The following KIAA0825 variants were observed in gnomAD, a reference collection of about 807,000 sequenced individuals.
KIAA0825 encodes KIAA0825.
A neutral mutation model predicts 147.6 loss-of-function variants in KIAA0825; 119 were observed. The observed-to-expected ratio is 0.81, with a 90% CI of 0.69 to 0.94. The LOEUF (loss-of-function observed/expected upper bound fraction) is 0.94, where lower values mean the gene tolerates loss of function less well. Among genes scored for constraint, KIAA0825 ranks in the 40% least tolerant of loss-of-function variants. KIAA0825 has a pLI of 0.00. For synonymous variants in KIAA0825, 470 were observed against 518.1 expected, an observed-to-expected ratio of 0.91 and a Z score of 1.26; for missense variants, 1,381 against 1,472.7, an observed-to-expected ratio of 0.94 and a Z score of 1.02.
chr5:94,163,966 G>A (rs1430422191), intron 20 of KIAA0825, among the ~76,000 whole-genome samples: 2 of 152,104 alleles, frequency 1.3e-5, no homozygotes, highest in Non-Finnish European at 2.9e-5. Flanking sequence ...TTGTTATATT[G>A]AACTTTAGCA....
At chr5:94,508,623 G>C (rs1407062148) in intron 5 of KIAA0825, among the ~76,000 whole-genome samples, 2 of 152,192 alleles carry the variant, frequency 1.3e-5, no homozygotes, top group East Asian at 3.8e-4. Context: ...TTACAAAACA[G>C]AACAGATGCA....
chr5:94,173,047 A>G (rs570427881), intron 20 of KIAA0825, among the ~76,000 whole-genome samples: 1 of 152,316 alleles, frequency 6.6e-6, no homozygotes, highest in Admixed American at 6.5e-5. Flanking sequence ...ATAAAGTTAA[A>G]TTATTGAATA....
chr5:94,172,819 T>C (rs1259838420), intron 20 of KIAA0825, among the ~76,000 whole-genome samples: 1 of 152,174 alleles, frequency 6.6e-6, no homozygotes, highest in African/African-American at 2.4e-5. Context: ...ATGCTGATCT[T>C]GAGTAATGTA....
intron 20 of KIAA0825, among the ~76,000 whole-genome samples, chr5:94,184,335 C>T (rs1769929336): frequency 1.3e-5 from 2 of 152,106 alleles, no homozygotes; most frequent in Admixed American, 1.3e-4. Context: ...ATATTATTAT[C>T]CCCATTTTTA....
At chr5:94,228,650 T>A (rs2150079915) in intron 20 of KIAA0825, among the ~76,000 whole-genome samples, 1 of 152,294 alleles carries the variant, frequency 6.6e-6, no homozygotes, top group South Asian at 2.1e-4. Context: ...AATTCAGGTT[T>A]CCAGTCCCTA....
intron 14 of KIAA0825, among the ~76,000 whole-genome samples, chr5:94,419,435 C>T (rs1753887022): frequency 6.6e-6 from 1 of 152,044 alleles, no homozygotes; most frequent in South Asian, 2.1e-4. Context: ...TTAAAAATTC[C>T]TTATCCTGAT....
chr5:94,263,023 T>A (rs1776574378), intron 20 of KIAA0825, among the ~76,000 whole-genome samples: 2 of 152,134 alleles, frequency 1.3e-5, no homozygotes, highest in African/African-American at 4.8e-5. Context: ...GTTCCCATTG[T>A]CCTCTATGAA....
intron 2 of KIAA0825, among the ~76,000 whole-genome samples, chr5:94,551,042 A>T (rs1775440150): frequency 6.6e-6 from 1 of 151,882 alleles, no homozygotes; most frequent in Non-Finnish European, 1.5e-5. Context: ...TATCATAAAT[A>T]TGAGCCAAAC....
chr5:94,598,142 A>C (rs1785646662), intron 1 of KIAA0825, among the ~76,000 whole-genome samples: 1 of 151,998 alleles, frequency 6.6e-6, no homozygotes, highest in African/African-American at 2.4e-5. Flanking sequence ...TTATAAACTT[A>C]AAATTATTTT....
intron 20 of KIAA0825, among the ~76,000 whole-genome samples, chr5:94,180,830 C>A (rs1769543918): frequency 1.3e-5 from 2 of 152,072 alleles, no homozygotes; most frequent in South Asian, 4.1e-4. Flanking sequence ...CCATATTAAA[C>A]ATGTTTCAGT....
At chr5:94,247,449 TACATCG>T (rs2150114312) in intron 20 of KIAA0825, among the ~76,000 whole-genome samples, 1 of 152,252 alleles carries the variant, frequency 6.6e-6, no homozygotes, top group African/African-American at 2.4e-5. Context: ...TAATTTTATT[TACATCG>T]ACCCAGGGGA....
At position 94,512,613 on chromosome 5, in the gene KIAA0825, A is replaced by G. The variant is rs542367013; in HGVS notation, c.970+7635T>C. 5.9e-4 allele frequency among the ~76,000 whole-genome samples: 89 copies of G among 150,006 alleles called. 1 individual carries two copies. The highest frequency in any genetic ancestry group is 2.0e-3 in the African/African-American group (84 of 41,114). On this transcript the variant is annotated intron_variant, in intron 5 of 20. Coordinates refer to ENST00000682413, the MANE Select transcript of KIAA0825 (RefSeq NM_001145678.3). ...CCTGTCTTAAAAAAAAAAAAAAAAA[A>G]GGCAGAGTGTGGTGGCTCATGCGTA...
At chr5:94,429,428 G>A (rs1755356211) in intron 14 of KIAA0825, among the ~76,000 whole-genome samples, 1 of 151,436 alleles carries the variant, frequency 6.6e-6, no homozygotes, top group Non-Finnish European at 1.5e-5. Flanking sequence ...TGGGGGGTGT[G>A]ACTGTAGGGT....
Position 94,164,569 on chromosome 5 carries a change from G to A in KIAA0825, c.3711-10445C>T, listed in dbSNP as rs144017438. The stretch of plus-strand genomic sequence containing the variant: ...TGGGACTACAGACGCGTGCCACCAC[G>A]TCCGGCTAATTTTTTGTATTTTTAG... On this transcript the variant is annotated intron_variant, in intron 20 of 20. Coordinates refer to ENST00000682413, the MANE Select transcript of KIAA0825 (RefSeq NM_001145678.3). 5.1e-3 allele frequency among the ~76,000 whole-genome samples: 773 copies of A among 152,036 alleles called. 6 individuals are homozygous for A. The highest frequency in any genetic ancestry group is 0.017 in the African/African-American group (722 of 41,468).
intron 1 of KIAA0825, among the ~76,000 whole-genome samples, chr5:94,599,517 A>G (rs1397201636): frequency 6.6e-6 from 1 of 152,112 alleles, no homozygotes; most frequent in Non-Finnish European, 1.5e-5. Flanking sequence ...AAAAACTCAA[A>G]GTTGATCAAA....
intron 20 of KIAA0825, among the ~76,000 whole-genome samples, chr5:94,154,890 C>T (rs1327423004): frequency 2.0e-5 from 3 of 152,116 alleles, no homozygotes; most frequent in East Asian, 1.9e-4. Flanking sequence ...GTATACTGAA[C>T]CCAGCATTCT....
intron 20 of KIAA0825, among the ~76,000 whole-genome samples, chr5:94,238,412 G>A (rs1168986370): frequency 6.6e-6 from 1 of 152,134 alleles, no homozygotes; most frequent in Non-Finnish European, 1.5e-5. Flanking sequence ...AGAAAATCTT[G>A]TGATTCTTAT....
At chr5:94,403,873 T>C in intron 15 of KIAA0825, 80 bp from the exon 16 acceptor site, 1 of 1,191,884 alleles carries the variant, frequency 8.4e-7, no homozygotes, top group Non-Finnish European at 1.2e-6. Flanking sequence ...TTCAGTTTTG[T>C]AATCATCTAG....
chr5:94,201,531 CT>C (rs1771689933), intron 20 of KIAA0825, among the ~76,000 whole-genome samples: 1 of 151,776 alleles, frequency 6.6e-6, no homozygotes, highest in South Asian at 2.1e-4. Flanking sequence ...CCTCAGCCTT[CT>C]GAGTAGCCTG....
Sources: allele counts gnomAD v4.1 joint callset (sites outside exome capture counted in the v4.1 genomes callset), GRCh38; gene constraint gnomAD v4.1.1; transcripts MANE v1.5; gene names NCBI Gene and HGNC (gene_info 2026-07-23, HGNC 2026-07-21).